The following PLIN2 variants were observed in gnomAD, a reference collection of about 807,000 sequenced individuals.
PLIN2 encodes the protein perilipin-2.
Under a neutral mutation model 30.6 loss-of-function variants are expected in PLIN2, and 33 were observed. The observed-to-expected ratio is 1.08, with a 90% confidence interval of 0.82 to 1.44. PLIN2 has a LOEUF of 1.44. PLIN2 is among the 40% of genes most tolerant of loss of function. The probability of loss-of-function intolerance (pLI) is 0.00; values close to 1 mark genes in which losing one functional copy is unlikely to be tolerated. For synonymous variants in PLIN2, 205 were observed against 201.1 expected (o/e 1.02, Z -0.16); for missense variants, 610 against 531.8 (o/e 1.15, Z -1.45).
chr9:19,113,620 C>A (rs2131173788), downstream of PLIN2, among the ~76,000 whole-genome samples: 1 of 149,956 alleles, frequency 6.7e-6, no homozygotes, highest in Non-Finnish European at 1.5e-5. Context: ...GTCACCCAGG[C>A]AGGAGTGCAG....
intron 4 of PLIN2, among the ~76,000 whole-genome samples, chr9:19,122,660 C>T (rs1212280885): frequency 6.6e-6 from 1 of 152,020 alleles, no homozygotes; most frequent in East Asian, 1.9e-4. Context: ...AAGTCCCTAA[C>T]CCCCGGGCCA....
In PLIN2 at chr9:19,117,885, G is replaced by C. The variant is rs529286141; in HGVS notation, c.912+436C>G. Among the ~76,000 whole-genome samples the C allele has an allele frequency of 2.6e-5, 4 of 152,240 alleles. No individual in the cohort carries two copies. The East Asian group carries it at 5.8e-4, about 22-fold the overall frequency. On this transcript the variant is annotated intron_variant, in intron 7 of 7. Transcript: ENST00000276914. The stretch of plus-strand genomic sequence containing the variant: ...ACCCGCCTCGGCCTCCCAAAGTGTT[G>C]GGATTACAGGCGTGAGCCATCGCGC...
At chr9:19,116,755 G>A (rs1316583627) in intron 7 of PLIN2, 106 bp from the exon 8 acceptor site, 1 of 915,616 alleles carries the variant, frequency 1.1e-6, no homozygotes, top group Non-Finnish European at 1.7e-6. Context: ...GGATTCTTTG[G>A]CTTTTAAAAA....
downstream of PLIN2, among the ~76,000 whole-genome samples, chr9:19,115,463 G>A (rs376706665): frequency 4.1e-4 from 62 of 151,818 alleles, 1 homozygote; most frequent in South Asian, 9.2e-3. Context: ...ACCCGCCACC[G>A]TGCCCGGCTA....
chr9:19,120,159 A>G (rs1341944152), intron 5 of PLIN2, among the ~76,000 whole-genome samples: 3 of 151,990 alleles, frequency 2.0e-5, no homozygotes, highest in African/African-American at 4.8e-5. Context: ...CCCGAGCTCA[A>G]CTGATCCTCT....
intron 4 of PLIN2, among the ~76,000 whole-genome samples, chr9:19,123,068 A>G (rs1346482464): frequency 6.6e-6 from 1 of 152,222 alleles, no homozygotes; most frequent in Non-Finnish European, 1.5e-5. Flanking sequence ...CCTAACTGGT[A>G]TCCTTTTGTG....
chr9:19,119,697 G>C lies in PLIN2; in HGVS notation c.730C>G (p.Gln244Glu). 1 of 1,607,640 alleles carries C rather than the reference G, an allele frequency of 6.2e-7. No homozygotes were observed. The highest frequency in any genetic ancestry group is 8.5e-7 in the Non-Finnish European group (1 of 1,176,752). ...TGAGAAATGGTCTGTTGGCTTTTTT[G>C]CTTAGCTTCTTTAACCCTGCTGAGA... ...QALSRVKEAK[Q>E]KSQQTISQLH... The change falls in exon 6 of 8, where the codon CAA (glutamine) becomes GAA (glutamate). Residue 244 changes from glutamine to glutamate, a missense_variant. Coordinates refer to ENST00000276914, the MANE Select transcript of PLIN2 (RefSeq NM_001122.4).
chr9:19,108,710 G>T (rs927825503), exon 3 of PLIN2: 10 of 152,616 alleles, frequency 6.6e-5, no homozygotes, highest in African/African-American at 2.4e-4. Context: ...AATTTCATCA[G>T]TCTCAGATGT....
chr9:19,119,119 A>T (rs1409853072), intron 6 of PLIN2, among the ~76,000 whole-genome samples: 2 of 152,206 alleles, frequency 1.3e-5, no homozygotes, highest in African/African-American at 4.8e-5. Flanking sequence ...TGGTTTTCTC[A>T]TGGCAGTACA....
At chr9:19,111,506 G>T (rs1818159054), downstream of PLIN2, among the ~76,000 whole-genome samples, 1 of 152,110 alleles carries the variant, frequency 6.6e-6, no homozygotes, top group South Asian at 2.1e-4. Context: ...AGCTTAGGAT[G>T]GTTGGTTAGA....
intron 2 of PLIN2, among the ~76,000 whole-genome samples, chr9:19,109,496 G>C (rs143187871): frequency 0.019 from 2,688 of 144,394 alleles, 40 homozygotes; most frequent in Non-Finnish European, 0.024. Context: ...GTGAGCCGAG[G>C]TTCACCACCA....
chr9:19,118,522 GTATGATGTA>G, intron 6 of PLIN2, 67 bp from the exon 7 acceptor site: 7 of 1,442,310 alleles, frequency 4.9e-6, no homozygotes, highest in Non-Finnish European at 6.6e-6. Flanking sequence ...GTTTGCAGAT[GTATGATGTA>G]AATCAGGCAA....
chr9:19,112,094 G>T (rs528804814), downstream of PLIN2, among the ~76,000 whole-genome samples: 4 of 152,272 alleles, frequency 2.6e-5, no homozygotes, highest in Non-Finnish European at 5.9e-5. Flanking sequence ...ACTTCCATCT[G>T]TTGAGGCAAC....
In PLIN2 at chr9:19,116,379, T is replaced by G. The variant is rs748111603; in HGVS notation, c.1183A>C (p.Asn395His). 1.2e-6 allele frequency: 2 copies of G among 1,614,212 alleles called. No homozygotes were observed. The highest frequency in any genetic ancestry group is 1.1e-5 in the South Asian group (1 of 91,088). ...LDDVMDYLVNNTPLNWLVGPF... is the reference protein window; with the variant it reads ...LDDVMDYLVNHTPLNWLVGPF... The stretch of plus-strand genomic sequence containing the variant: ...CCTACCAGCCAGTTGAGGGGCGTGT[T>G]GTTAACAAGATAATCCATCACGTCA... Residue 395 changes from asparagine to histidine, a missense_variant, in exon 8 of 8, where the codon AAC becomes CAC. By Grantham distance (68) the Asn-to-His change is moderately conservative. Coordinates refer to ENST00000276914, the MANE Select transcript of PLIN2 (RefSeq NM_001122.4).
chr9:19,122,169 G>T (rs532611922), intron 4 of PLIN2, among the ~76,000 whole-genome samples: 15 of 138,218 alleles, frequency 1.1e-4, no homozygotes, highest in African/African-American at 3.7e-4. Flanking sequence ...GAAAATATCC[G>T]AAATGGAAAA....
downstream of PLIN2, among the ~76,000 whole-genome samples, chr9:19,113,016 A>G (rs1818177260): frequency 6.6e-6 from 1 of 151,942 alleles, no homozygotes; most frequent in Non-Finnish European, 1.5e-5. Context: ...AACTCTTATA[A>G]TAGGGAAACA....
At chr9:19,111,004 T>C (rs1818152175), downstream of PLIN2, among the ~76,000 whole-genome samples, 1 of 152,162 alleles carries the variant, frequency 6.6e-6, no homozygotes, top group Non-Finnish European at 1.5e-5. Flanking sequence ...TGCAAACATT[T>C]TCCCCTCGAC....
At position 19,119,703 on chromosome 9, in the gene PLIN2, C is replaced by G; in HGVS notation, c.724G>C (p.Ala242Pro). The G allele has an allele frequency of 6.2e-7, 1 of 1,609,314 alleles. No individual in the cohort carries two copies. Among genetic ancestry groups the G allele is most frequent in the South Asian group, 1.1e-5 (1 of 90,616 alleles). The change falls in exon 6 of 8, where the codon GCT becomes CCT. Residue 242 changes from alanine (A) to proline (P), a missense_variant. By Grantham distance (27) the Ala-to-Pro change is conservative (BLOSUM62 -1). Coordinates refer to ENST00000276914, the MANE Select transcript of PLIN2 (RefSeq NM_001122.4). ...YQQALSRVKE[A>P]KQKSQQTISQ... ...ATGGTCTGTTGGCTTTTTTGCTTAG[C>G]TTCTTTAACCCTGCTGAGAGCCTGC...
chr9:19,119,601 A>C, intron 6 of PLIN2, 49 bp downstream of exon 6: 8 of 1,097,716 alleles, frequency 7.3e-6, no homozygotes, highest in Non-Finnish European at 1.0e-5. Context: ...TCTTGGGCCT[A>C]GAGATAAATG....
Sources: allele counts gnomAD v4.1 joint callset (sites outside exome capture counted in the v4.1 genomes callset), GRCh38; gene constraint gnomAD v4.1.1; transcripts MANE v1.5; gene names NCBI Gene and HGNC (gene_info 2026-07-23, HGNC 2026-07-21).